The following POM121C variants were observed in gnomAD, a reference collection of about 807,000 sequenced individuals.
POM121C encodes the protein nuclear envelope pore membrane protein POM 121C.
POM121C carries 20 observed loss-of-function variants against 66.4 expected under a neutral mutation model. The ratio of observed to expected loss-of-function variants is 0.30; its 90% CI spans 0.21 to 0.44. The LOEUF is 0.44. Among genes scored for constraint, POM121C ranks in the 20% least tolerant of loss-of-function variants. POM121C has a pLI of 1.00. For synonymous variants in POM121C, 286 were observed against 528.0 expected, an observed-to-expected ratio of 0.54 and a Z score of 6.28; for missense variants, 580 against 1,225.7, an observed-to-expected ratio of 0.47 and a Z score of 7.87.
intron 3 of POM121C, among the ~76,000 whole-genome samples, chr7:75,460,730 C>T (rs1409312598): frequency 6.6e-6 from 1 of 152,124 alleles, no homozygotes; most frequent in Admixed American, 6.5e-5. Flanking sequence ...AGCCAACACT[C>T]CCCCATTCCT....
chr7:75,424,876 C>T (rs1554471491), intron 10 of POM121C, 198 bp downstream of exon 10: 1 of 1,237,414 alleles, frequency 8.1e-7, no homozygotes, highest in African/African-American at 1.5e-5. Flanking sequence ...AGGAGAATTG[C>T]TTGAACTCAG....
chr7:75,449,399 C>T (rs1162743424), intron 3 of POM121C, among the ~76,000 whole-genome samples: 2 of 150,110 alleles, frequency 1.3e-5, no homozygotes, highest in African/African-American at 4.9e-5. Context: ...GAGTCTCACT[C>T]TGTCACCCAG....
At chr7:75,471,189 T>C (rs1466613334) in intron 3 of POM121C, among the ~76,000 whole-genome samples, 1 of 152,182 alleles carries the variant, frequency 6.6e-6, no homozygotes, top group Non-Finnish European at 1.5e-5. Flanking sequence ...CTGAAAGTTT[T>C]TGAGCAGGTA....
intron 1 of POM121C, among the ~76,000 whole-genome samples, chr7:75,482,485 G>C (rs587598270): frequency 8.5e-5 from 13 of 152,286 alleles, no homozygotes; most frequent in Admixed American, 3.9e-4. Context: ...CCTGAGCTCA[G>C]GAGTTCGACA....
intron 3 of POM121C, among the ~76,000 whole-genome samples, chr7:75,470,479 G>C (rs1221644808): frequency 6.6e-6 from 1 of 151,854 alleles, no homozygotes; most frequent in Non-Finnish European, 1.5e-5. Flanking sequence ...TTTTTTTACA[G>C]AATCAGGGTA....
intron 3 of POM121C, among the ~76,000 whole-genome samples, chr7:75,451,067 T>C (rs1427265059): frequency 6.6e-6 from 1 of 152,154 alleles, no homozygotes; most frequent in African/African-American, 2.4e-5. Context: ...TGCTCATGGA[T>C]AGGAAGAATC....
rs2116331886 is a variant in POM121C, at chr7:75,423,142, G to A, written c.1110C>T (p.Pro370=). ...GCCCTGACTGTGATAAACCCAGCGGGGGTAGGAGGCTGGGTGTCTTTGGAG... is the reference window on the plus strand; with the variant it reads ...GCCCTGACTGTGATAAACCCAGCGGAGGTAGGAGGCTGGGTGTCTTTGGAG... ...LSPPKTPSLL[P]PLGLSQSGPP... is the part of the protein sequence containing the mutation. Residue 370 remains proline (P), a synonymous_variant, in exon 13 of 15, where the codon CCC becomes CCT. Transcript: ENST00000615331. 6.5e-7 allele frequency: 1 copy of A among 1,530,650 alleles called. No homozygotes were observed. The highest frequency in any genetic ancestry group is 1.4e-5 in the African/African-American group (1 of 72,080). The allele number at this position is 1,530,650 out of a possible 1,614,324, so 94.8% of individuals were successfully genotyped here. A position where few individuals can be genotyped will look rare whatever the true frequency, so the allele number is the denominator to read the frequency against.
intron 1 of POM121C, among the ~76,000 whole-genome samples, chr7:75,478,092 G>T (rs192155870): frequency 6.6e-6 from 1 of 152,018 alleles, no homozygotes; most frequent in Non-Finnish European, 1.5e-5. Context: ...TCAGCCTCCC[G>T]AGTAGCTGGG....
At chr7:75,442,822 G>A (rs1321683569) in intron 3 of POM121C, 1 of 1,202,920 alleles carries the variant, frequency 8.3e-7, no homozygotes, top group Non-Finnish European at 1.0e-6. Context: ...GACTCGGGGA[G>A]ACGCTACAGC....
intron 1 of POM121C, among the ~76,000 whole-genome samples, chr7:75,482,389 A>C (rs1792339377): frequency 6.6e-6 from 1 of 152,194 alleles, no homozygotes; most frequent in African/African-American, 2.4e-5. Context: ...CAGCCTGAGC[A>C]ATACAGTGAG....
At chr7:75,469,433 C>G (rs587629034) in intron 3 of POM121C, among the ~76,000 whole-genome samples, 1 of 152,264 alleles carries the variant, frequency 6.6e-6, no homozygotes, top group African/African-American at 2.4e-5. Context: ...CATGTGACCA[C>G]TTCTATCTGC....
At chr7:75,452,410 C>A (rs1282603920) in intron 3 of POM121C, among the ~76,000 whole-genome samples, 7 of 152,144 alleles carry the variant, frequency 4.6e-5, no homozygotes, top group African/African-American at 1.7e-4. Flanking sequence ...GAGGAGGAGC[C>A]GAGATCGCGC....
chr7:75,461,486 G>C (rs71233844), intron 3 of POM121C, among the ~76,000 whole-genome samples: 26,780 of 152,064 alleles, frequency 0.18, 2,722 homozygotes, highest in Middle Eastern at 0.29. Flanking sequence ...GGTGCAATCG[G>C]CTTACTGCAA....
intron 6 of POM121C, among the ~76,000 whole-genome samples, chr7:75,438,771 CT>C (rs1192620672): frequency 2.0e-5 from 3 of 152,202 alleles, no homozygotes; most frequent in African/African-American, 7.2e-5. Flanking sequence ...TTTTGAGCCA[CT>C]TTCCTTTCCA....
chr7:75,433,560 C>T (rs1264738653), intron 7 of POM121C, among the ~76,000 whole-genome samples: 23 of 152,010 alleles, frequency 1.5e-4, no homozygotes, highest in African/African-American at 5.6e-4. Context: ...GGGGTTTCAC[C>T]ATGTTAGCCA....
At chr7:75,485,513 G>GC (rs1792493394) in intron 1 of POM121C, among the ~76,000 whole-genome samples, 1 of 152,162 alleles carries the variant, frequency 6.6e-6, no homozygotes, top group Non-Finnish European at 1.5e-5. Flanking sequence ...GGTCTAAGGG[G>GC]GGGGATCAGC....
chr7:75,425,772 C>G (rs1789918709), intron 8 of POM121C, 64 bp from the exon 9 acceptor site: 1 of 1,371,726 alleles, frequency 7.3e-7, no homozygotes, highest in Non-Finnish European at 9.9e-7. Flanking sequence ...TAAATAATTT[C>G]TCACACCCTC....
intron 7 of POM121C, among the ~76,000 whole-genome samples, chr7:75,429,547 C>G (rs1287511348): frequency 6.6e-6 from 1 of 152,208 alleles, no homozygotes; most frequent in Non-Finnish European, 1.5e-5. Flanking sequence ...AGGAGAATCA[C>G]TTGAACCCGG....
chr7:75,436,063 A>AT (rs1782524878), intron 7 of POM121C, among the ~76,000 whole-genome samples: 2 of 151,938 alleles, frequency 1.3e-5, no homozygotes, highest in Non-Finnish European at 2.9e-5. Flanking sequence ...AAAAAAAAAA[A>AT]GAAATTGCAT....
Sources: allele counts gnomAD v4.1 joint callset (sites outside exome capture counted in the v4.1 genomes callset), GRCh38; gene constraint gnomAD v4.1.1; transcripts MANE v1.5; gene names NCBI Gene and HGNC (gene_info 2026-07-23, HGNC 2026-07-21).